B3GALT5: variants seen among roughly 807,000 people sequenced by gnomAD.
B3GALT5 encodes beta-1,3-galactosyltransferase 5.
For synonymous variants in B3GALT5, 156 were observed against 158.6 expected (o/e 0.98, Z 0.12); for missense variants, 328 against 396.6 (o/e 0.83, Z 1.47).
intron 1 of B3GALT5, among the ~76,000 whole-genome samples, chr21:39,636,227 T>C (rs1466778455): frequency 6.6e-6 from 1 of 152,216 alleles, no homozygotes; most frequent in Non-Finnish European, 1.5e-5. Flanking sequence ...AATGCAGTGC[T>C]TGACACATAG....
At chr21:39,627,052 G>A (rs1386333027) in intron 1 of B3GALT5, among the ~76,000 whole-genome samples, 1 of 152,134 alleles carries the variant, frequency 6.6e-6, no homozygotes, top group African/African-American at 2.4e-5. Context: ...CTGTGGAGGG[G>A]GGGATTTTAT....
intron 2 of B3GALT5, among the ~76,000 whole-genome samples, chr21:39,652,484 GC>G (rs895531305): frequency 6.6e-6 from 1 of 152,052 alleles, no homozygotes; most frequent in Middle Eastern, 3.2e-3. Flanking sequence ...ACACGTAAGT[GC>G]CCTGGGCCGT....
intron 2 of B3GALT5, among the ~76,000 whole-genome samples, chr21:39,647,165 G>C (rs909982256): frequency 6.6e-6 from 1 of 152,206 alleles, no homozygotes; most frequent in Non-Finnish European, 1.5e-5. Flanking sequence ...ATGTCCTGAT[G>C]GCCGAGAGGC....
intron 2 of B3GALT5, among the ~76,000 whole-genome samples, chr21:39,658,652 A>AAAAG (rs896972207): frequency 5.3e-5 from 8 of 152,110 alleles, no homozygotes; most frequent in Non-Finnish European, 7.4e-5. Flanking sequence ...GGAAAGAAAG[A>AAAAG]AAAGAAAGAA....
In B3GALT5 at chr21:39,639,244, GAATTGTGATT is replaced by G. The variant is rs1344032859; in HGVS notation, c.-391-7147_-391-7138del. 4.6e-4 allele frequency among the ~76,000 whole-genome samples: 70 copies of G among 152,164 alleles called. 1 individual carries two copies. Among genetic ancestry groups the G allele is most frequent in the African/African-American group, 1.7e-3 (69 of 41,526 alleles). ...GAAAGATAAGTTGTAACATGTTCCAGAATTGTGATTCTGTTTCCCTTGCAAGCAGCTTCAG... is the reference window on the plus strand; with the variant it reads ...GAAAGATAAGTTGTAACATGTTCCAGCTGTTTCCCTTGCAAGCAGCTTCAG... On this transcript the variant is annotated intron_variant, in intron 1 of 3. Coordinates refer to ENST00000684187, the MANE Select transcript of B3GALT5 (RefSeq NM_001356336.2).
chr21:39,647,031 G>T (rs1181577841), intron 2 of B3GALT5, among the ~76,000 whole-genome samples: 4 of 152,122 alleles, frequency 2.6e-5, no homozygotes, highest in African/African-American at 9.7e-5. Flanking sequence ...ACCCTGGGAG[G>T]TGGAGGTGGC....
chr21:39,655,592 C>T (rs1265486796), intron 2 of B3GALT5, among the ~76,000 whole-genome samples: 2 of 152,116 alleles, frequency 1.3e-5, no homozygotes, highest in Non-Finnish European at 2.9e-5. Context: ...GGGGTAGGTC[C>T]AGGTCTGATG....
At chr21:39,626,632 A>G (rs951631224) in intron 1 of B3GALT5, among the ~76,000 whole-genome samples, 3 of 151,766 alleles carry the variant, frequency 2.0e-5, no homozygotes, top group Admixed American at 2.0e-4. Flanking sequence ...ATTAATTGCT[A>G]TCCTGGTAGG....
In B3GALT5 at chr21:39,661,466, C is replaced by G. The variant is rs774654350; in HGVS notation, c.907C>G (p.Arg303Gly). 9 of 1,508,896 alleles carry G rather than the reference C, an allele frequency of 6.0e-6. No individual in the cohort carries two copies. The highest frequency in any genetic ancestry group is 2.3e-5 in the Admixed American group (1 of 43,296). 93.5% of individuals were successfully genotyped at this position (1,508,896 alleles called of 1,614,324 possible). The part of the protein sequence containing the change: ...LDYWQALENS[R>G]GEDCPPV Reference sequence around the variant, plus strand: ...CTACTGGCAGGCTCTAGAGAATTCCCGGGGGGAAGATTGTCCGCCTGTCTG... The same window carrying G: ...CTACTGGCAGGCTCTAGAGAATTCCGGGGGGGAAGATTGTCCGCCTGTCTG... The change falls in exon 4 of 4, where the codon CGG becomes GGG. Residue 303 changes from arginine to glycine, a missense_variant. Arg to Gly is a moderately radical substitution (Grantham distance 125). Coordinates refer to ENST00000684187, the MANE Select transcript of B3GALT5 (RefSeq NM_001356336.2). The surrounding 1 kb of genome is among the most constrained non-coding windows in gnomAD (Gnocchi z 4.7).
At chr21:39,630,858 C>G (rs2079188411) in intron 1 of B3GALT5, among the ~76,000 whole-genome samples, 2 of 152,154 alleles carry the variant, frequency 1.3e-5, no homozygotes, top group Admixed American at 1.3e-4. Context: ...CATCATTTCT[C>G]TCCTCTGATA....
chr21:39,653,095 G>A (rs184303777), intron 2 of B3GALT5, among the ~76,000 whole-genome samples: 2 of 152,224 alleles, frequency 1.3e-5, no homozygotes, highest in Non-Finnish European at 1.5e-5. Flanking sequence ...AGGTTCCTCT[G>A]TTCCCTTGCA....
chr21:39,658,863 T>C (rs563891517), intron 2 of B3GALT5, among the ~76,000 whole-genome samples: 2 of 67,922 alleles, frequency 2.9e-5, no homozygotes, highest in East Asian at 3.5e-4. Flanking sequence ...AAAGCTCCAT[T>C]ATTATATTCC....
chr21:39,619,980 A>G lies in B3GALT5; in HGVS notation c.-392+6913A>G, dbSNP rs529335867. On this transcript the variant is annotated intron_variant, in intron 1 of 3. Coordinates refer to ENST00000684187, the MANE Select transcript of B3GALT5 (RefSeq NM_001356336.2). ...GTGCCACCATGTGTGGCCAATTTTT[A>G]TATTTTTTGGTAGAGACGGTATTTT... 2.0e-5 allele frequency among the ~76,000 whole-genome samples: 3 copies of G among 152,020 alleles called. No individual in the cohort carries two copies. The South Asian group carries it at 6.2e-4, about 32-fold the overall frequency.
chr21:39,638,663 C>T (rs2079247338), intron 1 of B3GALT5, among the ~76,000 whole-genome samples: 1 of 152,210 alleles, frequency 6.6e-6, no homozygotes, highest in South Asian at 2.1e-4. Context: ...ACTGAGCTAA[C>T]ACAAGCTGCC....
intron 2 of B3GALT5, among the ~76,000 whole-genome samples, chr21:39,649,845 A>G (rs537106809): frequency 1.3e-5 from 2 of 152,318 alleles, no homozygotes; most frequent in African/African-American, 2.4e-5. Context: ...GGATCCTGGC[A>G]AAACCAACTT....
At position 39,669,768 on chromosome 21, in the gene B3GALT5, C is replaced by A. The variant is rs1480023024; in HGVS notation, c.*8276C>A. On this transcript the variant is annotated 3_prime_UTR_variant, in exon 4 of 4. Transcript: ENST00000684187. ...GCTCAGACGTGGTGGAGACACAGGC[C>A]CTCGGCCTCCAAATGCTGCCTCCCG... is the stretch of plus-strand genomic sequence containing the variant. 1 of 152,110 alleles carries A rather than the reference C, an allele frequency of 6.6e-6. No homozygotes were observed. Among genetic ancestry groups the A allele is most frequent in the Admixed American group, 6.5e-5 (1 of 15,274 alleles). The allele number at this position is 152,110 out of a possible 1,614,324, so 9.4% of individuals were successfully genotyped here.
At chr21:39,625,472 G>T (rs1039255936) in intron 1 of B3GALT5, among the ~76,000 whole-genome samples, 2 of 152,190 alleles carry the variant, frequency 1.3e-5, no homozygotes, top group East Asian at 3.8e-4. Flanking sequence ...TGCACTAGGG[G>T]TTGCTCACTT....
chr21:39,639,626 G>T (rs1036033548), intron 1 of B3GALT5, among the ~76,000 whole-genome samples: 17 of 150,974 alleles, frequency 1.1e-4, no homozygotes, highest in African/African-American at 4.1e-4. Context: ...ATTACAGGCG[G>T]GTGCCACCAC....
chr21:39,660,605 C>T lies in B3GALT5; in HGVS notation c.46C>T (p.Leu16=). The T allele has an allele frequency of 2.1e-6, 3 of 1,449,452 alleles. No homozygotes were observed. The highest frequency in any genetic ancestry group is 1.8e-6 in the Non-Finnish European group (2 of 1,099,132). The allele number at this position is 1,449,452 out of a possible 1,614,324, so 89.8% of individuals were successfully genotyped here. A position where few individuals can be genotyped will look rare whatever the true frequency, so the allele number is the denominator to read the frequency against. Residue 16 remains leucine, a synonymous_variant, in exon 4 of 4, where the codon CTG becomes TTG. Coordinates refer to ENST00000684187, the MANE Select transcript of B3GALT5 (RefSeq NM_001356336.2). ...MRLMYICLLV[L]GALCLYFSMY... ...ATTGATGTATATTTGCCTTCTGGTT[C>T]TGGGGGCTCTTTGTTTGTATTTTAG...
Sources: allele counts gnomAD v4.1 joint callset (sites outside exome capture counted in the v4.1 genomes callset), GRCh38; gene constraint gnomAD v4.1.1; non-coding constraint Gnocchi (gnomAD v3.1); transcripts MANE v1.5; gene names NCBI Gene and HGNC (gene_info 2026-07-23, HGNC 2026-07-21).